UHMK1: variants seen among roughly 807,000 people sequenced by gnomAD.
UHMK1 encodes the protein U2AF homology motif kinase 1.
UHMK1 carries 18 observed loss-of-function variants against 44.0 expected under a neutral mutation model. The observed-to-expected ratio is 0.41, with a 90% CI of 0.28 to 0.61. The LOEUF (loss-of-function observed/expected upper bound fraction) is 0.61. Among genes scored for constraint, UHMK1 ranks in the 20% least tolerant of loss-of-function variants. UHMK1 has a pLI of 0.31. For synonymous variants in UHMK1, 231 were observed against 198.5 expected, an observed-to-expected ratio of 1.16 and a Z score of -1.38; for missense variants, 463 against 522.5, an observed-to-expected ratio of 0.89 and a Z score of 1.11.
chr1:162,511,941 T>C (rs1349894858), intron 4 of UHMK1, among the ~76,000 whole-genome samples: 1 of 152,054 alleles, frequency 6.6e-6, no homozygotes. Flanking sequence ...GTTTCATCAG[T>C]CTGTGTGTCT....
intron 4 of UHMK1, among the ~76,000 whole-genome samples, chr1:162,511,365 C>T (rs988921631): frequency 2.6e-5 from 4 of 151,528 alleles, no homozygotes; most frequent in Non-Finnish European, 5.9e-5. Flanking sequence ...GAGGATCTTG[C>T]CATGTTGCCC....
At chr1:162,499,910 T>C in intron 1 of UHMK1, 45 bp from the exon 2 acceptor site, 1 of 1,590,852 alleles carries the variant, frequency 6.3e-7, no homozygotes, top group Non-Finnish European at 8.6e-7. Flanking sequence ...TAGTAGTGAC[T>C]TACTCTGAGT....
At chr1:162,507,829 G>A (rs1571009366) in intron 4 of UHMK1, among the ~76,000 whole-genome samples, 1 of 151,936 alleles carries the variant, frequency 6.6e-6, no homozygotes, top group South Asian at 2.1e-4. Flanking sequence ...CTCGTGATCC[G>A]CCTGCTTCGG....
chr1:162,515,049 A>C (rs1235532984), intron 6 of UHMK1, among the ~76,000 whole-genome samples: 2 of 152,154 alleles, frequency 1.3e-5, no homozygotes, highest in Non-Finnish European at 1.5e-5. Flanking sequence ...TGATGCTCAA[A>C]TATCCTCTAG....
At position 162,523,485 on chromosome 1, in the gene UHMK1, A is replaced by G. The variant is rs1027156250; in HGVS notation, c.*935A>G. The stretch of plus-strand genomic sequence containing the variant: ...AAAGACTAAGTTGTGCCAGATGTAA[A>G]TCAACCCCTCTTTTAGTTTACTTTA... On this transcript the variant is annotated 3_prime_UTR_variant, in exon 8 of 8. Transcript: ENST00000489294. The G allele has an allele frequency of 6.5e-6, 1 of 152,672 alleles. No homozygotes were observed. Among genetic ancestry groups the G allele is most frequent in the Non-Finnish European group, 1.5e-5 (1 of 68,048 alleles). The allele number at this position is 152,672 out of a possible 1,614,324, so 9.5% of individuals were successfully genotyped here.
rs1232514608 is a variant in UHMK1, at chr1:162,512,898, C to T, written c.1024+75C>T. The T allele has an allele frequency of 2.2e-6, 3 of 1,347,684 alleles. No individual in the cohort carries two copies. The African/African-American group carries it at 4.4e-5, about 20-fold the overall frequency. The allele number at this position is 1,347,684 out of a possible 1,614,324, so 83.5% of individuals were successfully genotyped here. A position where few individuals can be genotyped will look rare whatever the true frequency, so the allele number is the denominator to read the frequency against. On this transcript the variant is annotated intron_variant, in intron 6 of 7. Transcript: ENST00000489294. ...AGAATAAACATATCCGTAACATTTT[C>T]ATATTTCTCAATTTATCTAATGAGA...
At position 162,508,807 on chromosome 1, in the gene UHMK1, CTTCTT is replaced by C. The variant is rs147718777; in HGVS notation, c.849-3681_849-3677del. On this transcript the variant is annotated intron_variant, in intron 4 of 7. Transcript: ENST00000489294. Reference sequence around the variant, plus strand: ...TTGTACAATAGATACTTTTCTTTCTCTTCTTTTCTTTTCTTTCAAGGCAGGGTCTC... The same window carrying C: ...TTGTACAATAGATACTTTTCTTTCTCTTCTTTTCTTTCAAGGCAGGGTCTC... 2.6e-3 allele frequency among the ~76,000 whole-genome samples: 385 copies of C among 150,546 alleles called. 2 individuals carry two copies. The South Asian group carries it at 0.03, about 12-fold the overall frequency.
rs1288013551 is a variant in UHMK1 at position 162,497,942 on chromosome 1, C to T, written c.-59C>T. 20 of 1,435,910 alleles carry T rather than the reference C, an allele frequency of 1.4e-5. No individual in the cohort carries two copies. Among genetic ancestry groups the T allele is most frequent in the South Asian group, 4.5e-5 (3 of 67,058 alleles). 88.9% of individuals were successfully genotyped at this position (1,435,910 alleles called of 1,614,324 possible). A position where few individuals can be genotyped will look rare whatever the true frequency, so the allele number is the denominator to read the frequency against. ...GCTGGCGGAGATGTGACCGCGGGCC[C>T]GGCCGGCCTGCCTCAGGCGTCGCGT... On this transcript the variant is annotated 5_prime_UTR_variant, in exon 1 of 8. Coordinates refer to ENST00000489294, the MANE Select transcript of UHMK1 (RefSeq NM_175866.5).
intron 7 of UHMK1, among the ~76,000 whole-genome samples, chr1:162,521,321 G>A (rs966015382): frequency 6.6e-6 from 1 of 152,082 alleles, no homozygotes; most frequent in African/African-American, 2.4e-5. Flanking sequence ...TCTGAAGCAA[G>A]GAGTATGATA....
chr1:162,500,677 G>T, intron 2 of UHMK1: 1 of 496,586 alleles, frequency 2.0e-6, no homozygotes, highest in Non-Finnish European at 3.5e-6. Flanking sequence ...GTGCCTAATA[G>T]GTAAGAGACA....
intron 4 of UHMK1, among the ~76,000 whole-genome samples, chr1:162,510,170 A>G (rs892382473): frequency 2.2e-4 from 34 of 152,242 alleles, no homozygotes; most frequent in Non-Finnish European, 4.0e-4. Flanking sequence ...GATTAAATCT[A>G]GTTAATGAAC....
chr1:162,498,877 A>G (rs1261795744), intron 1 of UHMK1, among the ~76,000 whole-genome samples: 5 of 152,250 alleles, frequency 3.3e-5, no homozygotes, highest in East Asian at 1.9e-4. Flanking sequence ...TCATTACACG[A>G]CAGAAAGCTT....
chr1:162,498,107 C>T lies in UHMK1; in HGVS notation c.107C>T (p.Ser36Leu). The T allele has an allele frequency of 1.2e-6, 2 of 1,612,262 alleles. No individual in the cohort carries two copies. The highest frequency in any genetic ancestry group is 1.3e-5 in the African/African-American group (1 of 75,056). Residue 36 changes from serine (S) to leucine (L), a missense_variant, in exon 1 of 8, where the codon TCG (serine) becomes TTG (leucine). Ser to Leu is a moderately radical substitution (Grantham distance 145). Coordinates refer to ENST00000489294, the MANE Select transcript of UHMK1 (RefSeq NM_175866.5). Reference protein sequence around the residue: ...QSRLGSGSSASVYRVRCCGNP... With the variant: ...QSRLGSGSSALVYRVRCCGNP... Reference sequence around the variant, plus strand: ...CGTCTGGGTAGCGGCTCCTCCGCCTCGGTGTATCGGGTTCGCTGCTGCGGC... The same window carrying T: ...CGTCTGGGTAGCGGCTCCTCCGCCTTGGTGTATCGGGTTCGCTGCTGCGGC...
Position 162,503,749 on chromosome 1 carries a change from T to G in UHMK1, c.754-5T>G. 6.2e-7 allele frequency: 1 copy of G among 1,613,582 alleles called. No homozygotes were observed. The highest frequency in any genetic ancestry group is 8.5e-7 in the Non-Finnish European group (1 of 1,179,664). On this transcript the variant is annotated splice_polypyrimidine_tract_variant and splice_region_variant and intron_variant, in intron 3 of 7. Transcript: ENST00000489294. ...CCAAAGGAAAACTTTTCTCCGTTTT[T>G]TAAGGCAAACAGTTCTGCTATTATT... is the stretch of plus-strand genomic sequence containing the variant.
At chr1:162,510,085 GTCT>G (rs111999297) in intron 4 of UHMK1, among the ~76,000 whole-genome samples, 15,588 of 151,916 alleles carry the variant, frequency 0.1, 1,014 homozygotes, top group East Asian at 0.23. Flanking sequence ...CAGCATCTCG[GTCT>G]TCTTTTTTTA....
chr1:162,505,755 C>T (rs1478850231), intron 4 of UHMK1, among the ~76,000 whole-genome samples: 1 of 152,138 alleles, frequency 6.6e-6, no homozygotes. Flanking sequence ...AATTAGTATG[C>T]TAGAAAAGTA....
intron 7 of UHMK1, among the ~76,000 whole-genome samples, chr1:162,520,466 A>T (rs184419980): frequency 2.4e-4 from 36 of 150,006 alleles, no homozygotes; most frequent in Admixed American, 1.7e-3. Context: ...AAGTGTGGTG[A>T]TAAGTGCTAG....
chr1:162,503,667 C>A, intron 3 of UHMK1, 87 bp from the exon 4 acceptor site: 2 of 757,396 alleles, frequency 2.6e-6, no homozygotes, highest in African/African-American at 1.8e-5. Context: ...TTTTCTGTTG[C>A]ATTTTACTCT....
Position 162,498,000 on chromosome 1 carries a change from G to C in UHMK1, c.-1G>C, listed in dbSNP as rs1651114891. 2.5e-6 allele frequency: 4 copies of C among 1,577,726 alleles called. No homozygotes were observed. The highest frequency in any genetic ancestry group is 1.8e-5 in the Admixed American group (1 of 57,080). Reference sequence around the variant, plus strand: ...CGTGTCCGTGCCCTTAACCCACACCGATGGCGGGATCCGGCTGCGCCTGGG... The same window carrying C: ...CGTGTCCGTGCCCTTAACCCACACCCATGGCGGGATCCGGCTGCGCCTGGG... On this transcript the variant is annotated 5_prime_UTR_variant, in exon 1 of 8. Transcript: ENST00000489294.
Sources: gnomAD v4.1 joint callset for allele counts (sites outside exome capture counted in the v4.1 genomes callset) on GRCh38, gnomAD v4.1.1 for gene constraint, MANE v1.5 for transcripts, NCBI Gene and HGNC (gene_info 2026-07-23, HGNC 2026-07-21) for gene names.